EML4: variants seen among roughly 807,000 people sequenced by gnomAD.
The protein encoded by EML4 is EMAP like 4.
A neutral mutation model predicts 129.0 loss-of-function variants in EML4; 72 were observed. The observed-to-expected ratio is 0.56, with a 90% CI of 0.46 to 0.68. The LOEUF (loss-of-function observed/expected upper bound fraction) is 0.68, where lower values mean the gene tolerates loss of function less well. EML4 is among the 30% of genes least tolerant of loss of function. The pLI is 0.00. For synonymous variants in EML4, 532 were observed against 405.0 expected (o/e 1.31, Z -3.77); for missense variants, 1,363 against 1,190.6 (o/e 1.14, Z -2.13).
chr2:42,247,880 TAC>T (rs1362202834), intron 2 of EML4, among the ~76,000 whole-genome samples: 2 of 152,176 alleles, frequency 1.3e-5, no homozygotes, highest in African/African-American at 2.4e-5. Flanking sequence ...ATATATAATA[TAC>T]AGACTCAGAA....
intron 11 of EML4, among the ~76,000 whole-genome samples, chr2:42,293,554 T>TA (rs1667774240): frequency 6.6e-6 from 1 of 152,230 alleles, no homozygotes; most frequent in Non-Finnish European, 1.5e-5. Flanking sequence ...TGTCATTTAA[T>TA]TAGTATAACA....
chr2:42,271,341 G>A (rs185199779), intron 6 of EML4, among the ~76,000 whole-genome samples: 211 of 152,280 alleles, frequency 1.4e-3, no homozygotes, highest in Non-Finnish European at 1.8e-3. Flanking sequence ...CAGCAGGCCC[G>A]CCAGGCCGCT....
At position 42,263,167 on chromosome 2, in the gene EML4, G is replaced by C; in HGVS notation, c.513-11G>C. On this transcript the variant is annotated splice_polypyrimidine_tract_variant and intron_variant, in intron 4 of 22. Transcript: ENST00000318522. ...CAGAATTTTTCTCTAAGAAATTAAT[G>C]TTCCTTCTAGCATAAAACGACCATC... The C allele has an allele frequency of 6.2e-7, 1 of 1,601,304 alleles. No homozygotes were observed. The highest frequency in any genetic ancestry group is 8.5e-7 in the Non-Finnish European group (1 of 1,175,920).
At chr2:42,280,788 C>T in intron 6 of EML4, 62 bp from the exon 7 acceptor site, 1 of 1,296,146 alleles carries the variant, frequency 7.7e-7, no homozygotes, top group Non-Finnish European at 1.1e-6. Flanking sequence ...CGTTAATAAT[C>T]CACTTTTGTA....
At chr2:42,207,314 T>G (rs6544516) in intron 1 of EML4, among the ~76,000 whole-genome samples, 1 of 152,056 alleles carries the variant, frequency 6.6e-6, no homozygotes, top group Admixed American at 6.5e-5. Context: ...AATATAATAC[T>G]AGATATAACT....
chr2:42,284,006 C>G (rs748101585), intron 8 of EML4, among the ~76,000 whole-genome samples: 1 of 152,164 alleles, frequency 6.6e-6, no homozygotes, highest in Non-Finnish European at 1.5e-5. Context: ...CAGAAATTTG[C>G]TAGTCACTCA....
intron 1 of EML4, among the ~76,000 whole-genome samples, chr2:42,203,381 A>G (rs947388438): frequency 7.2e-5 from 11 of 152,206 alleles, no homozygotes; most frequent in East Asian, 1.9e-4. Context: ...TTTTGAATCC[A>G]TGTTGAATAC....
chr2:42,277,837 G>C (rs1227654136), intron 6 of EML4, among the ~76,000 whole-genome samples: 1 of 152,166 alleles, frequency 6.6e-6, no homozygotes, highest in Non-Finnish European at 1.5e-5. Context: ...AAAGTGCTGG[G>C]ATTACAGGCA....
chr2:42,308,343 A>T (rs1668733023), intron 17 of EML4, among the ~76,000 whole-genome samples: 1 of 152,060 alleles, frequency 6.6e-6, no homozygotes, highest in South Asian at 2.1e-4. Flanking sequence ...CTGTCTTTAC[A>T]AGAAAAATTT....
chr2:42,258,499 C>G (rs1399137211), intron 3 of EML4, among the ~76,000 whole-genome samples: 1 of 152,080 alleles, frequency 6.6e-6, no homozygotes, highest in East Asian at 1.9e-4. Flanking sequence ...CTCCCGTGTT[C>G]AAGAGATTCT....
At position 42,187,678 on chromosome 2, in the gene EML4, A is replaced by ATTT. The variant is rs1332701284; in HGVS notation, c.25+18042_25+18043insTTT. On this transcript the variant is annotated intron_variant, in intron 1 of 22. Transcript: ENST00000318522. ...TCCTATTTGGTGCTCATTTTTTTTA[A>ATTT]AAAAAAATGGTTGCCTTAAGTTTTG... Among the ~76,000 whole-genome samples, 1,328 of 137,280 alleles carry ATTT rather than the reference A, an allele frequency of 9.7e-3. 5 individuals are homozygous for ATTT. Among genetic ancestry groups the ATTT allele is most frequent in the African/African-American group, 0.025 (913 of 37,156 alleles). 90.1% of individuals were successfully genotyped at this position (137,280 alleles called of 152,430 possible). A position where few individuals can be genotyped will look rare whatever the true frequency, so the allele number is the denominator to read the frequency against.
chr2:42,273,554 T>G (rs1476598008), intron 6 of EML4, among the ~76,000 whole-genome samples: 1 of 152,108 alleles, frequency 6.6e-6, no homozygotes, highest in Admixed American at 6.5e-5. Context: ...CAATCTAAGC[T>G]CTTAAGAGGT....
chr2:42,245,794 A>G (rs1221212606), intron 2 of EML4, 107 bp downstream of exon 2: 9 of 1,070,262 alleles, frequency 8.4e-6, no homozygotes, highest in Non-Finnish European at 1.1e-5. Context: ...ACTTGTGATT[A>G]TAGTTTGTTT....
At chr2:42,180,827 T>C (rs1256325785) in intron 1 of EML4, among the ~76,000 whole-genome samples, 2 of 152,234 alleles carry the variant, frequency 1.3e-5, no homozygotes, top group Non-Finnish European at 2.9e-5. Flanking sequence ...CACAATTACA[T>C]GTTGAATTTA....
intron 1 of EML4, among the ~76,000 whole-genome samples, chr2:42,208,689 T>A (rs570511429): frequency 1.3e-5 from 2 of 152,030 alleles, no homozygotes; most frequent in South Asian, 4.2e-4. Context: ...CTCCTTGGCC[T>A]CCCAAAGTGC....
intron 1 of EML4, among the ~76,000 whole-genome samples, chr2:42,226,815 A>C (rs899990532): frequency 2.0e-5 from 3 of 152,188 alleles, no homozygotes; most frequent in Non-Finnish European, 4.4e-5. Flanking sequence ...CAGTATTTAC[A>C]TGTATCACAG....
chr2:42,251,308 C>T (rs1293115326), intron 2 of EML4, among the ~76,000 whole-genome samples: 1 of 152,208 alleles, frequency 6.6e-6, no homozygotes, highest in Non-Finnish European at 1.5e-5. Flanking sequence ...TCTTGGACCA[C>T]TGTCGTATAT....
At position 42,303,387 on chromosome 2, in the gene EML4, A is replaced by G; in HGVS notation, c.1840A>G (p.Arg614Gly). Residue 614 changes from arginine to glycine, a missense_variant, in exon 16 of 23, where the codon AGG becomes GGG. Arg to Gly is a moderately radical substitution (Grantham distance 125). Coordinates refer to ENST00000318522, the MANE Select transcript of EML4 (RefSeq NM_019063.5). The part of the protein sequence containing the change: ...KDLLLTCAQD[R>G]QVCLWNSMEH... ...TTTGCTCTTGACATGTGCTCAGGAC[A>G]GGCAGGTGTGCCTGTGGAACTCAAT... is the stretch of plus-strand genomic sequence containing the variant. 1 of 1,614,192 alleles carries G rather than the reference A, an allele frequency of 6.2e-7. No homozygotes were observed. Among genetic ancestry groups the G allele is most frequent in the Non-Finnish European group, 8.5e-7 (1 of 1,180,014 alleles).
chr2:42,306,484 C>CTTTTTTT (rs375707062), intron 17 of EML4, among the ~76,000 whole-genome samples: 11 of 74,604 alleles, frequency 1.5e-4, no homozygotes, highest in African/African-American at 3.8e-4. Context: ...GTGCTAAATC[C>CTTTTTTT]TTTTTTTTTT....
Sources: gnomAD v4.1 joint callset for allele counts (sites outside exome capture counted in the v4.1 genomes callset) on GRCh38, gnomAD v4.1.1 for gene constraint, MANE v1.5 for transcripts, NCBI Gene and HGNC (gene_info 2026-07-23, HGNC 2026-07-21) for gene names.